The following KLRG1 variants were observed in gnomAD, a reference collection of about 807,000 sequenced individuals.
KLRG1 encodes killer cell lectin like receptor G1, also known as killer cell lectin-like receptor subfamily G member 1.
KLRG1 carries 16 observed loss-of-function variants against 21.8 expected under a neutral mutation model. The ratio of observed to expected loss-of-function variants is 0.73; its 90% CI spans 0.50 to 1.11. The LOEUF is 1.11. Among genes scored for constraint, KLRG1 ranks in the 50% most tolerant of loss-of-function variants. The pLI is 0.00. For missense variants in KLRG1, 173 were observed against 218.3 expected (o/e 0.79, Z 1.31); for synonymous variants, 69 against 75.9 (o/e 0.91, Z 0.47).
downstream of KLRG1, among the ~76,000 whole-genome samples, chr12:9,014,976 C>A (rs1454038165): frequency 6.6e-6 from 1 of 151,824 alleles, no homozygotes; most frequent in Non-Finnish European, 1.5e-5. Flanking sequence ...TATTTGCAAG[C>A]CTTATGGTAA....
intron 1 of KLRG1, among the ~76,000 whole-genome samples, chr12:8,967,858 G>A (rs931409762): frequency 6.6e-6 from 1 of 152,002 alleles, no homozygotes; most frequent in Non-Finnish European, 1.5e-5. Flanking sequence ...ACATGAAGTA[G>A]TATAGTATTA....
intron 3 of KLRG1, among the ~76,000 whole-genome samples, chr12:9,005,422 G>T (rs1432180696): frequency 6.6e-6 from 1 of 152,130 alleles, no homozygotes; most frequent in Non-Finnish European, 1.5e-5. Flanking sequence ...GGAAAATAAA[G>T]AAATCCTGTC....
At chr12:9,060,254 C>G in the KLRG1 span, among the ~76,000 whole-genome samples, 1 of 151,532 alleles carries the variant, frequency 6.6e-6, no homozygotes, top group African/African-American at 2.4e-5. Flanking sequence ...GATCTCCTGA[C>G]CTCATGATCT....
chr12:9,051,164 A>C, the KLRG1 span, among the ~76,000 whole-genome samples: 1 of 152,248 alleles, frequency 6.6e-6, no homozygotes. Context: ...GCTCAGCCAG[A>C]ACAAGATAGG....
intron 3 of KLRG1, among the ~76,000 whole-genome samples, chr12:9,004,952 T>C (rs1947425068): frequency 6.6e-6 from 1 of 152,206 alleles, no homozygotes; most frequent in African/African-American, 2.4e-5. Context: ...TAATTATATA[T>C]ATAGGGTATT....
At chr12:9,110,130 G>A in the KLRG1 span, 1 of 1,371,594 alleles carries the variant, frequency 7.3e-7, no homozygotes, top group Non-Finnish European at 1.0e-6. Context: ...CTACAAAAAG[G>A]TCAAATGGGG....
At chr12:8,999,990 A>C (rs986962899) in intron 3 of KLRG1, among the ~76,000 whole-genome samples, 1 of 152,150 alleles carries the variant, frequency 6.6e-6, no homozygotes, top group African/African-American at 2.4e-5. Context: ...AGCCGAGATC[A>C]GGCCACTGCA....
At chr12:9,063,729 A>G in the KLRG1 span, among the ~76,000 whole-genome samples, 1 of 152,214 alleles carries the variant, frequency 6.6e-6, no homozygotes, top group Non-Finnish European at 1.5e-5. Flanking sequence ...CCTGATCATT[A>G]TAATGACCCA....
intron 1 of KLRG1, among the ~76,000 whole-genome samples, chr12:8,974,546 C>T (rs1592248535): frequency 6.6e-6 from 1 of 151,936 alleles, no homozygotes; most frequent in Admixed American, 6.6e-5. Context: ...GGTACATTCT[C>T]TCTATACCCA....
chr12:9,112,171 G>C, the KLRG1 span: 1 of 1,613,526 alleles, frequency 6.2e-7, no homozygotes, highest in African/African-American at 1.3e-5. Flanking sequence ...ACTCATTCAG[G>C]GGGTGAAAGT....
At chr12:9,084,430 A>G in the KLRG1 span, among the ~76,000 whole-genome samples, 1 of 152,200 alleles carries the variant, frequency 6.6e-6, no homozygotes, top group African/African-American at 2.4e-5. Flanking sequence ...TTCTGACATC[A>G]ACGACATAAA....
At chr12:9,104,171 T>C in the KLRG1 span, 1 of 1,493,672 alleles carries the variant, frequency 6.7e-7, no homozygotes, top group South Asian at 1.3e-5. Context: ...GGAAATTTTC[T>C]CACCCTTAGG....
chr12:9,179,227 C>A, the KLRG1 span, among the ~76,000 whole-genome samples: 1 of 152,082 alleles, frequency 6.6e-6, no homozygotes, highest in African/African-American at 2.4e-5. Flanking sequence ...TCAAAAACCC[C>A]ATATTAGATA....
At chr12:9,197,059 C>T in the KLRG1 span, 2 of 1,613,700 alleles carry the variant, frequency 1.2e-6, no homozygotes, top group African/African-American at 1.3e-5. Flanking sequence ...CAATTAAGAA[C>T]ACGAGATAAT....
At chr12:9,153,787 A>C in the KLRG1 span, among the ~76,000 whole-genome samples, 6 of 152,270 alleles carry the variant, frequency 3.9e-5, no homozygotes, top group East Asian at 1.2e-3. Context: ...ACCCCACCTA[A>C]TCTCTCTGAA....
At chr12:9,074,322 T>C in the KLRG1 span, among the ~76,000 whole-genome samples, 59 of 152,262 alleles carry the variant, frequency 3.9e-4, no homozygotes, top group African/African-American at 1.3e-3. Flanking sequence ...AGTGTTGTTA[T>C]GGGAAATAGG....
the KLRG1 span, among the ~76,000 whole-genome samples, chr12:9,210,757 T>G: frequency 6.6e-5 from 10 of 152,340 alleles, no homozygotes; most frequent in East Asian, 1.9e-3. Flanking sequence ...CTGTTTCTTA[T>G]TCTTTTTAGT....
the KLRG1 span, chr12:9,109,192 T>A: frequency 1.5e-6 from 1 of 649,400 alleles, no homozygotes; most frequent in African/African-American, 1.8e-5. Flanking sequence ...ATTCTACAGA[T>A]GAGGATGCTG....
chr12:9,069,335 T>A, the KLRG1 span, among the ~76,000 whole-genome samples: 1 of 152,226 alleles, frequency 6.6e-6, no homozygotes, highest in East Asian at 1.9e-4. Flanking sequence ...TGAACTGGTC[T>A]TATTATTTTA....
Sources: gnomAD v4.1 joint callset for allele counts (sites outside exome capture counted in the v4.1 genomes callset) on GRCh38, gnomAD v4.1.1 for gene constraint, MANE v1.5 for transcripts, NCBI Gene and HGNC (gene_info 2026-07-23, HGNC 2026-07-21) for gene names.